DPYD: variants seen among roughly 807,000 people sequenced by gnomAD.
The protein encoded by DPYD is dihydropyrimidine dehydrogenase [NADP(+)].
A neutral mutation model predicts 116.2 loss-of-function variants in DPYD; 109 were observed. The ratio of observed to expected loss-of-function variants is 0.94; its 90% CI spans 0.80 to 1.10. The LOEUF (loss-of-function observed/expected upper bound fraction) is 1.10, where lower values mean the gene tolerates loss of function less well. Ranked by LOEUF, DPYD falls within the 50% of genes least tolerant of loss-of-function variation. DPYD has a pLI of 0.00. For missense variants in DPYD, 1,302 were observed against 1,254.5 expected (o/e 1.04, Z -0.57); for synonymous variants, 440 against 432.0 (o/e 1.02, Z -0.23).
rs145599863 is a variant in DPYD at position 97,790,280 on chromosome 1, T to C, written c.233+37834A>G. On this transcript the variant is annotated intron_variant, in intron 3 of 22. Transcript: ENST00000370192. ...CCCAGCTGACTTCAAGATCACGTGC[T>C]TTTTACACAGAAAAGTTGCTGCTAA... Among the ~76,000 whole-genome samples, 856 of 152,306 alleles carry C rather than the reference T, an allele frequency of 5.6e-3. 10 individuals are homozygous for C. Among genetic ancestry groups the C allele is most frequent in the African/African-American group, 0.019 (804 of 41,564 alleles).
At chr1:97,739,104 G>T (rs548217462) in intron 4 of DPYD, among the ~76,000 whole-genome samples, 1 of 151,970 alleles carries the variant, frequency 6.6e-6, no homozygotes, top group Non-Finnish European at 1.5e-5. Flanking sequence ...AAATACTTTA[G>T]ACTTCAATCT....
chr1:97,879,384 C>T (rs573102750), intron 2 of DPYD, among the ~76,000 whole-genome samples: 5 of 151,752 alleles, frequency 3.3e-5, no homozygotes, highest in Non-Finnish European at 7.4e-5. Context: ...AACTGCCTTT[C>T]CTTTTAATTT....
At chr1:97,345,641 G>A (rs1407440718) in intron 16 of DPYD, among the ~76,000 whole-genome samples, 1 of 151,820 alleles carries the variant, frequency 6.6e-6, no homozygotes. Context: ...AAAAGTGATG[G>A]GTACCTCACT....
intron 14 of DPYD, among the ~76,000 whole-genome samples, chr1:97,392,390 C>T (rs1039286391): frequency 3.0e-4 from 45 of 151,608 alleles, no homozygotes; most frequent in African/African-American, 7.0e-4. Context: ...GGTCTTGCTC[C>T]GTCACCTATG....
At chr1:97,610,782 T>G (rs1317386510) in intron 8 of DPYD, among the ~76,000 whole-genome samples, 1 of 151,988 alleles carries the variant, frequency 6.6e-6, no homozygotes, top group African/African-American at 2.4e-5. Context: ...AAAATCCTAT[T>G]TTTAAGCAAT....
chr1:97,114,192 A>G (rs1651800981), intron 20 of DPYD, among the ~76,000 whole-genome samples: 1 of 152,134 alleles, frequency 6.6e-6, no homozygotes, highest in South Asian at 2.1e-4. Context: ...ATCACAAAGA[A>G]AGAGAGGTGA....
At chr1:97,867,972 C>A (rs1005793910) in intron 2 of DPYD, among the ~76,000 whole-genome samples, 1 of 151,386 alleles carries the variant, frequency 6.6e-6, no homozygotes, top group Non-Finnish European at 1.5e-5. Context: ...ATAGAAAACC[C>A]GAAAGCCAAC....
intron 2 of DPYD, among the ~76,000 whole-genome samples, chr1:97,881,872 G>A (rs1466853585): frequency 6.6e-6 from 1 of 151,534 alleles, no homozygotes; most frequent in African/African-American, 2.4e-5. Context: ...GGGGTGGGGG[G>A]TGGAGGGATA....
intron 13 of DPYD, among the ~76,000 whole-genome samples, chr1:97,486,104 C>A (rs1165384633): frequency 2.0e-5 from 3 of 152,110 alleles, no homozygotes; most frequent in African/African-American, 7.2e-5. Context: ...TGTGACAATT[C>A]ATAATTTTAA....
intron 18 of DPYD, among the ~76,000 whole-genome samples, chr1:97,257,263 T>C (rs757372295): frequency 5.9e-5 from 9 of 151,846 alleles, no homozygotes; most frequent in Non-Finnish European, 1.3e-4. Flanking sequence ...AAAATCTCTA[T>C]ATTTGATATC....
intron 2 of DPYD, 130 bp downstream of exon 2, chr1:97,883,134 A>C (rs904209101): frequency 2.7e-5 from 17 of 621,502 alleles, no homozygotes; most frequent in Admixed American, 2.4e-4. Context: ...TCAAATATTA[A>C]ATATTTAAAA....
intron 4 of DPYD, among the ~76,000 whole-genome samples, chr1:97,736,801 C>T (rs1663968705): frequency 6.6e-6 from 1 of 151,320 alleles, no homozygotes. Flanking sequence ...GGCTTGTGTA[C>T]CCTCTAGGAA....
chr1:97,359,486 C>G (rs1437338129), intron 16 of DPYD, among the ~76,000 whole-genome samples: 1 of 152,080 alleles, frequency 6.6e-6, no homozygotes, highest in Admixed American at 6.6e-5. Flanking sequence ...TTGAGAAGAG[C>G]AACTCCAAGA....
At chr1:97,853,758 A>T (rs1476841087) in intron 2 of DPYD, among the ~76,000 whole-genome samples, 1 of 152,244 alleles carries the variant, frequency 6.6e-6, no homozygotes, top group East Asian at 1.9e-4. Context: ...ACAGAAGTCA[A>T]GTGACTTGTC....
intron 20 of DPYD, among the ~76,000 whole-genome samples, chr1:97,180,857 T>C (rs966087137): frequency 6.6e-5 from 10 of 152,134 alleles, no homozygotes; most frequent in African/African-American, 1.9e-4. Context: ...ATAATCTGTA[T>C]AAGCACGATG....
intron 18 of DPYD, among the ~76,000 whole-genome samples, chr1:97,296,487 AT>A (rs1666538598): frequency 6.6e-6 from 1 of 152,192 alleles, no homozygotes; most frequent in Non-Finnish European, 1.5e-5. Flanking sequence ...CGATAGATAC[AT>A]GATCAAATTA....
intron 20 of DPYD, among the ~76,000 whole-genome samples, chr1:97,152,001 C>T (rs1394703181): frequency 6.6e-6 from 1 of 152,154 alleles, no homozygotes; most frequent in East Asian, 1.9e-4. Flanking sequence ...ATAAGTATTA[C>T]ATTAACATTA....
intron 6 of DPYD, among the ~76,000 whole-genome samples, chr1:97,699,133 C>A (rs1661455923): frequency 6.6e-6 from 1 of 151,980 alleles, no homozygotes; most frequent in Non-Finnish European, 1.5e-5. Context: ...CTTAAATTCA[C>A]AGAACTAGAG....
At chr1:97,216,754 C>G (rs191851368) in intron 19 of DPYD, among the ~76,000 whole-genome samples, 1 of 152,214 alleles carries the variant, frequency 6.6e-6, no homozygotes, top group African/African-American at 2.4e-5. Flanking sequence ...GAGATCACGC[C>G]ACTGCACCCC....
Sources: gnomAD v4.1 joint callset for allele counts (sites outside exome capture counted in the v4.1 genomes callset) on GRCh38, gnomAD v4.1.1 for gene constraint, MANE v1.5 for transcripts, NCBI Gene and HGNC (gene_info 2026-07-23, HGNC 2026-07-21) for gene names.